The following ABLIM1 variants were observed in gnomAD, a reference collection of about 807,000 sequenced individuals.
The protein encoded by ABLIM1 is actin-binding LIM protein 1.
ABLIM1 carries 40 observed loss-of-function variants against 107.0 expected under a neutral mutation model. The observed-to-expected ratio is 0.37, with a 90% CI of 0.29 to 0.49. The LOEUF is 0.49. Ranked by LOEUF, ABLIM1 falls within the 20% of genes least tolerant of loss-of-function variation. The pLI is 0.97. For missense variants in ABLIM1, 857 were observed against 1,008.5 expected, an observed-to-expected ratio of 0.85 and a Z score of 2.04; for synonymous variants, 357 against 357.3, an observed-to-expected ratio of 1.00 and a Z score of 0.01.
intron 6 of ABLIM1, among the ~76,000 whole-genome samples, chr10:114,537,406 T>C (rs959486173): frequency 6.6e-6 from 1 of 152,236 alleles, no homozygotes; most frequent in Non-Finnish European, 1.5e-5. Context: ...CTTTGAAATA[T>C]ACAGTATATT....
At chr10:114,732,144 T>C (rs1225708010) in intron 1 of ABLIM1, among the ~76,000 whole-genome samples, 1 of 151,858 alleles carries the variant, frequency 6.6e-6, no homozygotes, top group African/African-American at 2.4e-5. Flanking sequence ...GTGATATCTT[T>C]TGGGTTTGAT....
intron 1 of ABLIM1, 89 bp from the exon 2 acceptor site, chr10:114,602,050 A>T: frequency 6.5e-6 from 10 of 1,535,450 alleles, no homozygotes; most frequent in Non-Finnish European, 7.2e-6. Flanking sequence ...TTGGTGTCAA[A>T]TGAGCCACAG....
chr10:114,762,976 A>C (rs2082784369), intron 1 of ABLIM1, among the ~76,000 whole-genome samples: 2 of 152,160 alleles, frequency 1.3e-5, no homozygotes, highest in Non-Finnish European at 2.9e-5. Context: ...CGTTAGCAAA[A>C]CTGGTCTAAG....
intron 2 of ABLIM1, among the ~76,000 whole-genome samples, chr10:114,592,870 G>A (rs1476856737): frequency 6.6e-6 from 1 of 152,146 alleles, no homozygotes; most frequent in Admixed American, 6.5e-5. Context: ...GAAGGTTGGG[G>A]TGGGTATGGG....
the ABLIM1 span, among the ~76,000 whole-genome samples, chr10:114,795,004 A>AT: frequency 1.3e-5 from 2 of 152,220 alleles, no homozygotes; most frequent in Admixed American, 1.3e-4. Context: ...CTTGAGATTA[A>AT]TTTTTTAAAA....
chr10:114,708,357 C>T (rs1202631148), intron 1 of ABLIM1, among the ~76,000 whole-genome samples: 3 of 152,152 alleles, frequency 2.0e-5, no homozygotes, highest in Admixed American at 2.0e-4. Flanking sequence ...TTCCTCCAGT[C>T]CTCTCCAGGC....
At chr10:114,437,217 A>C (rs918492547) in intron 22 of ABLIM1, among the ~76,000 whole-genome samples, 1 of 152,178 alleles carries the variant, frequency 6.6e-6, no homozygotes, top group Non-Finnish European at 1.5e-5. Flanking sequence ...AGCGACTCCC[A>C]TTCTGAATTA....
intron 8 of ABLIM1, among the ~76,000 whole-genome samples, chr10:114,485,047 G>A (rs1402641105): frequency 2.6e-5 from 4 of 152,254 alleles, no homozygotes; most frequent in East Asian, 1.9e-4. Flanking sequence ...GTGGCAACAC[G>A]GGACCAAAAG....
intron 1 of ABLIM1, among the ~76,000 whole-genome samples, chr10:114,676,534 A>C (rs754631986): frequency 2.0e-5 from 3 of 152,050 alleles, no homozygotes; most frequent in Non-Finnish European, 4.4e-5. Flanking sequence ...ACAATCAGTA[A>C]CCATGAGACT....
At chr10:114,584,839 C>T (rs1419257927) in intron 2 of ABLIM1, among the ~76,000 whole-genome samples, 3 of 152,036 alleles carry the variant, frequency 2.0e-5, no homozygotes, top group African/African-American at 4.8e-5. Context: ...AAGTAAAGAG[C>T]CCTGATTGGA....
rs1413824063 is a variant in ABLIM1 at position 114,431,148 on chromosome 10, G to C, written c.*5112C>G. The C allele has an allele frequency of 6.6e-6, 1 of 152,244 alleles. No individual in the cohort carries two copies. The highest frequency in any genetic ancestry group is 1.5e-5 in the Non-Finnish European group (1 of 68,048). The allele number at this position is 152,244 out of a possible 1,614,324, so 9.4% of individuals were successfully genotyped here. A position where few individuals can be genotyped will look rare whatever the true frequency, so the allele number is the denominator to read the frequency against. On this transcript the variant is annotated 3_prime_UTR_variant, in exon 23 of 23. Transcript: ENST00000533213. Reference sequence around the variant, plus strand: ...CACACAACTTTATTCACGAAGTTGTGAGTATGACAGTGATGCAGAGTATAT... The same window carrying C: ...CACACAACTTTATTCACGAAGTTGTCAGTATGACAGTGATGCAGAGTATAT...
At chr10:114,739,328 G>C (rs1446127419) in intron 1 of ABLIM1, among the ~76,000 whole-genome samples, 1 of 152,194 alleles carries the variant, frequency 6.6e-6, no homozygotes, top group Non-Finnish European at 1.5e-5. Context: ...GGAATAATTA[G>C]GGACATTCTT....
chr10:114,474,091 A>G (rs2067101841), intron 8 of ABLIM1, 135 bp from the exon 9 acceptor site: 1 of 639,396 alleles, frequency 1.6e-6, no homozygotes, highest in Non-Finnish European at 2.7e-6. Flanking sequence ...ATAAGGTAAA[A>G]TACAACCTAG....
At chr10:114,653,535 C>A (rs1024979675) in intron 1 of ABLIM1, among the ~76,000 whole-genome samples, 1 of 152,156 alleles carries the variant, frequency 6.6e-6, no homozygotes, top group African/African-American at 2.4e-5. Context: ...CAGAGGGAGG[C>A]CCTGTCTCAG....
intron 11 of ABLIM1, among the ~76,000 whole-genome samples, chr10:114,466,413 T>C (rs904284074): frequency 1.3e-5 from 2 of 152,100 alleles, no homozygotes; most frequent in African/African-American, 4.8e-5. Flanking sequence ...ACATTGTACT[T>C]TTCCGTTTCA....
Position 114,545,038 on chromosome 10 carries a change from C to A in ABLIM1, c.861G>T (p.Ala287=), listed in dbSNP as rs770300236. 3 of 1,614,044 alleles carry A rather than the reference C, an allele frequency of 1.9e-6. No homozygotes were observed. Among genetic ancestry groups the A allele is most frequent in the African/African-American group, 1.3e-5 (1 of 74,906 alleles). ...YQGLFGVKCE[A]CHQFITGKVL... ...CTTTCCCTGTGATAAACTGGTGACA[C>A]GCCTCACATTTCACCCCAAAGAGTC... Residue 287 remains alanine (A), a synonymous_variant, in exon 6 of 23, where the codon GCG becomes GCT. Transcript: ENST00000533213.
chr10:114,668,084 G>T (rs555561396), intron 1 of ABLIM1, among the ~76,000 whole-genome samples: 2 of 151,168 alleles, frequency 1.3e-5, no homozygotes, highest in East Asian at 3.9e-4. Flanking sequence ...CAGACTTCAG[G>T]TTGCATGAAA....
In ABLIM1 at chr10:114,746,466, C is replaced by T. The variant is rs551023389; in HGVS notation, c.-213+21595G>A. Among the ~76,000 whole-genome samples, 14 of 152,324 alleles carry T rather than the reference C, an allele frequency of 9.2e-5. No individual in the cohort carries two copies. In the South Asian group the frequency reaches 2.5e-3, roughly 27 times the overall value. On this transcript the variant is annotated intron_variant, in intron 1 of 15. Coordinates refer to the ABLIM1 transcript ENST00000651092. The stretch of plus-strand genomic sequence containing the variant: ...AGTATTCTATTATGTACGTATACCA[C>T]GTCTTTATTCATCCATCCCTTGATG...
At chr10:114,526,811 A>AT in intron 6 of ABLIM1, 2 of 985,442 alleles carry the variant, frequency 2.0e-6, no homozygotes, top group Non-Finnish European at 2.4e-6. Context: ...CCTGGGTTAC[A>AT]TATCAGGCTT....
Sources: gnomAD v4.1 joint callset for allele counts (sites outside exome capture counted in the v4.1 genomes callset) on GRCh38, gnomAD v4.1.1 for gene constraint, MANE v1.5 for transcripts, NCBI Gene and HGNC (gene_info 2026-07-23, HGNC 2026-07-21) for gene names.